ZNF536: variants seen among roughly 807,000 people sequenced by gnomAD.
The protein encoded by ZNF536 is zinc finger protein 536.
ZNF536 carries 13 observed loss-of-function variants against 84.5 expected under a neutral mutation model. That is an observed-to-expected ratio of 0.15 (90% CI 0.10 to 0.24). The LOEUF is 0.24. ZNF536 is among the 10% of genes least tolerant of loss of function. ZNF536 has a pLI of 1.00. For missense variants in ZNF536, 1,536 were observed against 1,747.5 expected, an observed-to-expected ratio of 0.88 and a Z score of 2.16; for synonymous variants, 811 against 742.5, an observed-to-expected ratio of 1.09 and a Z score of -1.50.
At chr19:30,561,313 C>G (rs1038968520), downstream of ZNF536, among the ~76,000 whole-genome samples, 4 of 152,158 alleles carry the variant, frequency 2.6e-5, no homozygotes, top group African/African-American at 4.8e-5. Flanking sequence ...CCAAGGTGTG[C>G]CCTGCACCTG....
chr19:30,353,851 C>T (rs899643086), intron 3 of ZNF536, among the ~76,000 whole-genome samples: 2 of 152,168 alleles, frequency 1.3e-5, no homozygotes, highest in Non-Finnish European at 2.9e-5. Flanking sequence ...GATTCTGCCA[C>T]GCGGATGCTC....
At position 30,445,641 on chromosome 19, in the gene ZNF536, C is replaced by G. The variant is rs747632104; in HGVS notation, c.2079C>G (p.Asn693Lys). 1.9e-6 allele frequency: 3 copies of G among 1,612,674 alleles called. No individual in the cohort carries two copies. The highest frequency in any genetic ancestry group is 2.5e-6 in the Non-Finnish European group (3 of 1,179,608). ...GCTCCACCACGCCGGGCTCCTCTAA[C>G]GTCACCGAGGAGAGCGGGGTCGGAG... ...VSRSTTPGSS[N>K]VTEESGVGGG... is the part of the protein sequence containing the mutation. Residue 693 changes from asparagine (N) to lysine (K), a missense_variant, in exon 2 of 5, where the codon AAC (asparagine) becomes AAG (lysine). By Grantham distance (94) the Asn-to-Lys change is moderately conservative. Coordinates refer to ENST00000355537, the MANE Select transcript of ZNF536 (RefSeq NM_014717.3). This position sits in a 1 kb window ranked among gnomAD's most constrained non-coding sequence, Gnocchi z 4.5.
At chr19:30,265,789 C>G (rs755519351) in intron 1 of ZNF536, among the ~76,000 whole-genome samples, 2 of 152,230 alleles carry the variant, frequency 1.3e-5, no homozygotes, top group Non-Finnish European at 2.9e-5. Flanking sequence ...CCCTCCCAAT[C>G]AAGTGGGCAC....
At chr19:30,650,112 C>T (rs888520441) in intron 1 of ZNF536, among the ~76,000 whole-genome samples, 1 of 152,210 alleles carries the variant, frequency 6.6e-6, no homozygotes, top group African/African-American at 2.4e-5. Flanking sequence ...CACCATTTTA[C>T]ATTTACGTCA....
chr19:30,326,568 G>C (rs1263069941), intron 2 of ZNF536, among the ~76,000 whole-genome samples: 1 of 152,080 alleles, frequency 6.6e-6, no homozygotes, highest in Non-Finnish European at 1.5e-5. Context: ...GCCAGGGGAT[G>C]GTGACTGCCC....
chr19:30,518,310 G>A (rs576324769), intron 2 of ZNF536, among the ~76,000 whole-genome samples: 4 of 152,176 alleles, frequency 2.6e-5, no homozygotes, highest in Non-Finnish European at 5.9e-5. Context: ...GGAATACAGC[G>A]AGAGTTAATG....
intron 1 of ZNF536, among the ~76,000 whole-genome samples, chr19:30,234,490 C>T (rs1055546923): frequency 6.6e-6 from 1 of 150,668 alleles, no homozygotes; most frequent in African/African-American, 2.5e-5. Context: ...CAACCTCTGC[C>T]TCCCAGGTTC....
In ZNF536 at chr19:30,344,363, C is replaced by T. The variant is rs1387019478; in HGVS notation, c.-119-8005C>T. Among the ~76,000 whole-genome samples, 3 of 125,720 alleles carry T rather than the reference C, an allele frequency of 2.4e-5. 1 individual carries two copies. The highest frequency in any genetic ancestry group is 6.5e-5 in the African/African-American group (2 of 30,816). The allele number at this position is 125,720 out of a possible 152,430, so 82.5% of individuals were successfully genotyped here. On this transcript the variant is annotated intron_variant, in intron 2 of 5. Coordinates refer to the ZNF536 transcript ENST00000585628. ...GCTGAGACAGGAAAATCACTTGAAC[C>T]CGGGAGGCGGAGGTTGTAGAGAGCA...
At chr19:30,623,251 G>A (rs1218289397) in intron 1 of ZNF536, among the ~76,000 whole-genome samples, 1 of 152,110 alleles carries the variant, frequency 6.6e-6, no homozygotes, top group Non-Finnish European at 1.5e-5. Flanking sequence ...CCTAGACCAG[G>A]AACAGCCCTT....
intron 1 of ZNF536, among the ~76,000 whole-genome samples, chr19:30,271,543 C>T (rs1336435385): frequency 6.6e-6 from 1 of 152,110 alleles, no homozygotes; most frequent in African/African-American, 2.4e-5. Flanking sequence ...TTTGATCACA[C>T]CCTCTGCCCA....
At chr19:30,286,649 A>G (rs561456423) in intron 2 of ZNF536, among the ~76,000 whole-genome samples, 1 of 152,340 alleles carries the variant, frequency 6.6e-6, no homozygotes, top group East Asian at 1.9e-4. Flanking sequence ...GATTTGGAAC[A>G]AAAACTACTG....
At chr19:30,549,634 A>T in intron 4 of ZNF536, 120 bp downstream of exon 4, 2 of 1,155,328 alleles carry the variant, frequency 1.7e-6, no homozygotes, top group Non-Finnish European at 2.3e-6. Context: ...ATTTGAAAAA[A>T]CCCTCAATGC....
chr19:30,604,094 T>A (rs2047787781), intron 1 of ZNF536, among the ~76,000 whole-genome samples: 3 of 150,798 alleles, frequency 2.0e-5, no homozygotes, highest in Admixed American at 2.0e-4. Flanking sequence ...CATCTTAATT[T>A]AAAAAAAAAG....
At chr19:30,274,789 A>G (rs956274227) in intron 1 of ZNF536, among the ~76,000 whole-genome samples, 1 of 152,196 alleles carries the variant, frequency 6.6e-6, no homozygotes, top group Non-Finnish European at 1.5e-5. Flanking sequence ...AGCAAGCAGC[A>G]TTACCTCTGG....
At chr19:30,564,852 T>C (rs549114154) in intron 1 of ZNF536, among the ~76,000 whole-genome samples, 12 of 152,294 alleles carry the variant, frequency 7.9e-5, no homozygotes, top group Admixed American at 1.3e-4. Flanking sequence ...GAGTTATGAC[T>C]CCAAGGATTG....
intron 3 of ZNF536, among the ~76,000 whole-genome samples, chr19:30,540,571 G>A (rs1340309604): frequency 1.3e-5 from 2 of 152,116 alleles, no homozygotes. Context: ...CCCCTGCCCC[G>A]CTTCAGGGGA....
intron 1 of ZNF536, among the ~76,000 whole-genome samples, chr19:30,680,702 G>A (rs149997687): frequency 0.041 from 6,178 of 152,092 alleles, 156 homozygotes; most frequent in Middle Eastern, 0.078. Context: ...GAATAGTGCC[G>A]CAATAAACAT....
chr19:30,423,751 C>G (rs992745265), intron 1 of ZNF536, among the ~76,000 whole-genome samples: 1 of 148,846 alleles, frequency 6.7e-6, no homozygotes, highest in Non-Finnish European at 1.5e-5. Flanking sequence ...GGCTCCCTCC[C>G]GGGGGCTTCG....
At chr19:30,686,532 G>A (rs1163678169) in intron 1 of ZNF536, among the ~76,000 whole-genome samples, 3 of 152,224 alleles carry the variant, frequency 2.0e-5, no homozygotes, top group Non-Finnish European at 2.9e-5. Context: ...CCGTGGCACC[G>A]TGGCCCAGTG....
Sources: gnomAD v4.1 joint callset for allele counts (sites outside exome capture counted in the v4.1 genomes callset) on GRCh38, gnomAD v4.1.1 for gene constraint, Gnocchi (gnomAD v3.1) non-coding constraint, MANE v1.5 for transcripts, NCBI Gene and HGNC (gene_info 2026-07-23, HGNC 2026-07-21) for gene names.